Variants in TTBK2 observed in about 807,000 individuals in gnomAD.
TTBK2 encodes tau tubulin kinase 2.
A neutral mutation model predicts 110.8 loss-of-function variants in TTBK2; 28 were observed. That is an observed-to-expected ratio of 0.25 (90% CI 0.19 to 0.35). The LOEUF (loss-of-function observed/expected upper bound fraction) is 0.35, where lower values mean the gene tolerates loss of function less well. Ranked by LOEUF, TTBK2 falls within the 10% of genes least tolerant of loss-of-function variation. TTBK2 has a pLI of 1.00. For missense variants in TTBK2, 1,369 were observed against 1,500.3 expected, an observed-to-expected ratio of 0.91 and a Z score of 1.45; for synonymous variants, 532 against 527.3, an observed-to-expected ratio of 1.01 and a Z score of -0.12.
rs2061781055 is a variant in TTBK2 at position 42,745,667 on chromosome 15, T to C, written c.*128A>G. 5.3e-6 allele frequency: 6 copies of C among 1,128,894 alleles called. No individual in the cohort carries two copies. The highest frequency in any genetic ancestry group is 3.8e-5 in the South Asian group (3 of 78,326). The allele number at this position is 1,128,894 out of a possible 1,614,324, so 69.9% of individuals were successfully genotyped here. Reference sequence around the variant, plus strand: ...ATGTATTATGTCTTCTTATAAATAATTGATCATGTTACTTTCTTTTGCAAG... The same window carrying C: ...ATGTATTATGTCTTCTTATAAATAACTGATCATGTTACTTTCTTTTGCAAG... On this transcript the variant is annotated 3_prime_UTR_variant, in exon 15 of 15. Transcript: ENST00000267890.
At chr15:42,844,128 T>C (rs1264638181) in intron 3 of TTBK2, among the ~76,000 whole-genome samples, 1 of 152,224 alleles carries the variant, frequency 6.6e-6, no homozygotes, top group Non-Finnish European at 1.5e-5. Context: ...GTATTGGCTT[T>C]TTCTGTGCAG....
At chr15:42,762,446 G>A (rs1398419263) in intron 13 of TTBK2, among the ~76,000 whole-genome samples, 4 of 152,102 alleles carry the variant, frequency 2.6e-5, no homozygotes, top group South Asian at 2.1e-4. Flanking sequence ...GGCCGGGCAC[G>A]GTGGCTCATG....
chr15:42,791,166 G>A (rs1172765428), intron 10 of TTBK2, among the ~76,000 whole-genome samples: 2 of 152,168 alleles, frequency 1.3e-5, no homozygotes, highest in Non-Finnish European at 2.9e-5. Flanking sequence ...TTACAGGCGT[G>A]AGCCACGGTG....
rs529723135 is a variant in TTBK2, at chr15:42,888,598, C to T, written c.-67-9914G>A. Reference sequence around the variant, plus strand: ...GCAAGCCGAACTCATTGCCTTAACTCGGGCCCTCACTCTTGCAAAGGGACT... The same window carrying T: ...GCAAGCCGAACTCATTGCCTTAACTTGGGCCCTCACTCTTGCAAAGGGACT... On this transcript the variant is annotated intron_variant, in intron 1 of 14. Transcript: ENST00000267890. 4.6e-4 allele frequency among the ~76,000 whole-genome samples: 70 copies of T among 152,278 alleles called. 1 individual carries two copies. In the South Asian group the frequency reaches 0.014, roughly 31 times the overall value.
intron 1 of TTBK2, among the ~76,000 whole-genome samples, chr15:42,896,096 C>G (rs1163206630): frequency 7.9e-5 from 12 of 151,378 alleles, no homozygotes; most frequent in Non-Finnish European, 1.3e-4. Flanking sequence ...GAGGCCGAGG[C>G]CTCAAGTGGA....
At chr15:42,782,779 A>T (rs753915639) in intron 11 of TTBK2, among the ~76,000 whole-genome samples, 2 of 152,258 alleles carry the variant, frequency 1.3e-5, no homozygotes, top group Non-Finnish European at 2.9e-5. Context: ...AGTGAGTAAA[A>T]GACAGAAACC....
intron 9 of TTBK2, among the ~76,000 whole-genome samples, chr15:42,805,624 T>G (rs1486742974): frequency 6.6e-6 from 1 of 152,136 alleles, no homozygotes; most frequent in Non-Finnish European, 1.5e-5. Context: ...TCCCTCCATC[T>G]CTATTACTTC....
chr15:42,904,910 C>A (rs1359730229), intron 1 of TTBK2, among the ~76,000 whole-genome samples: 1 of 150,898 alleles, frequency 6.6e-6, no homozygotes, highest in African/African-American at 2.4e-5. Flanking sequence ...CTTACTCTGT[C>A]GCCCAAGCTG....
intron 4 of TTBK2, among the ~76,000 whole-genome samples, chr15:42,833,734 G>C (rs1182358981): frequency 6.6e-6 from 1 of 152,044 alleles, no homozygotes; most frequent in Non-Finnish European, 1.5e-5. Context: ...TTAGGGCCAG[G>C]CATGGTGGCT....
chr15:42,765,034 GA>G (rs1889291635), intron 13 of TTBK2, among the ~76,000 whole-genome samples: 1 of 152,248 alleles, frequency 6.6e-6, no homozygotes, highest in African/African-American at 2.4e-5. Flanking sequence ...ACCTGCAGCT[GA>G]AGGATCTGAC....
intron 10 of TTBK2, among the ~76,000 whole-genome samples, chr15:42,787,345 G>A (rs970938263): frequency 3.9e-5 from 6 of 152,106 alleles, no homozygotes; most frequent in African/African-American, 1.4e-4. Context: ...AAGAAATTCA[G>A]GGTTCTGGGA....
At position 42,783,650 on chromosome 15, in the gene TTBK2, A is replaced by AG; in HGVS notation, c.981-16dup. 1 of 1,603,060 alleles carries AG rather than the reference A, an allele frequency of 6.2e-7. No individual in the cohort carries two copies. Among genetic ancestry groups the AG allele is most frequent in the Non-Finnish European group, 8.5e-7 (1 of 1,170,038 alleles). ...CATTGGCAATTCTACATATGAAGGG[A>AG]GAAAAAAAAGGCAAGAATCAAAAAT... On this transcript the variant is annotated splice_polypyrimidine_tract_variant and intron_variant, in intron 10 of 14. Transcript: ENST00000267890.
chr15:42,918,065 G>GTATTTATT (rs10587604), intron 1 of TTBK2, among the ~76,000 whole-genome samples: 4 of 150,828 alleles, frequency 2.7e-5, no homozygotes, highest in African/African-American at 9.8e-5. Flanking sequence ...TCATAGATTT[G>GTATTTATT]TATTTATTTA....
chr15:42,911,267 CT>C (rs1353178729), intron 1 of TTBK2, among the ~76,000 whole-genome samples: 1 of 152,088 alleles, frequency 6.6e-6, no homozygotes, highest in Non-Finnish European at 1.5e-5. Context: ...GCAATGTGTC[CT>C]TGATACTTTG....
Position 42,775,712 on chromosome 15 carries a change from A to G in TTBK2, c.1421T>C (p.Met474Thr). The change falls in exon 13 of 15, where the codon ATG becomes ACG. Residue 474 changes from methionine to threonine, a missense_variant. By Grantham distance (81) the Met-to-Thr change is moderately conservative. Coordinates refer to ENST00000267890, the MANE Select transcript of TTBK2 (RefSeq NM_173500.4). ...DKFLETCLEK[M>T]QKDTSAGKES... Reference sequence around the variant, plus strand: ...TTTTCCTGCACTGGTATCTTTCTGCATTTTCTCCAGGCTTAAGGAAATGGA... The same window carrying G: ...TTTTCCTGCACTGGTATCTTTCTGCGTTTTCTCCAGGCTTAAGGAAATGGA... 1 of 1,611,528 alleles carries G rather than the reference A, an allele frequency of 6.2e-7. No homozygotes were observed. The highest frequency in any genetic ancestry group is 8.5e-7 in the Non-Finnish European group (1 of 1,179,830).
chr15:42,842,576 A>G (rs1893264512), intron 3 of TTBK2, among the ~76,000 whole-genome samples: 1 of 152,134 alleles, frequency 6.6e-6, no homozygotes, highest in African/African-American at 2.4e-5. Context: ...TAACTGACTT[A>G]AAACATAAAT....
chr15:42,913,131 CAAAAAAAAAA>C (rs61404472), intron 1 of TTBK2, among the ~76,000 whole-genome samples: 1 of 30,914 alleles, frequency 3.2e-5, no homozygotes, highest in African/African-American at 1.2e-4. Flanking sequence ...GACTCCGTCT[CAAAAAAAAAA>C]AAAAAAAAAA....
In TTBK2 at chr15:42,920,687, A is replaced by C. The variant is rs976225386; in HGVS notation, c.-317T>G. 4 of 156,048 alleles carry C rather than the reference A, an allele frequency of 2.6e-5. 1 individual carries two copies. Among genetic ancestry groups the C allele is most frequent in the African/African-American group, 9.7e-5 (4 of 41,320 alleles). 9.7% of individuals were successfully genotyped at this position (156,048 alleles called of 1,614,324 possible). A position where few individuals can be genotyped will look rare whatever the true frequency, so the allele number is the denominator to read the frequency against. On this transcript the variant is annotated 5_prime_UTR_variant, in exon 1 of 15. Coordinates refer to ENST00000267890, the MANE Select transcript of TTBK2 (RefSeq NM_173500.4). ...GTTACTGCTGCTGCCGGCTCCCCCAAGCCGCTGCTCTTGTGCCAGCACCTG... is the reference window on the plus strand; with the variant it reads ...GTTACTGCTGCTGCCGGCTCCCCCACGCCGCTGCTCTTGTGCCAGCACCTG...
At chr15:42,830,896 T>C (rs1489007713) in intron 4 of TTBK2, among the ~76,000 whole-genome samples, 1 of 151,776 alleles carries the variant, frequency 6.6e-6, no homozygotes, top group Non-Finnish European at 1.5e-5. Flanking sequence ...TCCCAGCTAC[T>C]CGGGAGGCTG....
Sources: gnomAD v4.1 joint callset for allele counts (sites outside exome capture counted in the v4.1 genomes callset) on GRCh38, gnomAD v4.1.1 for gene constraint, MANE v1.5 for transcripts, NCBI Gene and HGNC (gene_info 2026-07-23, HGNC 2026-07-21) for gene names.